PTPRD: variants seen among roughly 807,000 people sequenced by gnomAD.
PTPRD encodes the protein receptor-type tyrosine-protein phosphatase delta.
Under a neutral mutation model 214.5 loss-of-function variants are expected in PTPRD, and 34 were observed. The ratio of observed to expected loss-of-function variants is 0.16; its 90% CI spans 0.12 to 0.21. The LOEUF (loss-of-function observed/expected upper bound fraction) is 0.21. Ranked by LOEUF, PTPRD falls within the 10% of genes least tolerant of loss-of-function variation. The probability of loss-of-function intolerance (pLI) is 1.00; values close to 1 mark genes in which losing one functional copy is unlikely to be tolerated. For missense variants in PTPRD, 2,545 were observed against 2,398.7 expected (o/e 1.06, Z -1.27); for synonymous variants, 1,128 against 845.7 (o/e 1.33, Z -5.79).
At chr9:8,688,235 A>T (rs867799987) in intron 12 of PTPRD, among the ~76,000 whole-genome samples, 27 of 152,192 alleles carry the variant, frequency 1.8e-4, no homozygotes, top group South Asian at 8.3e-4. Context: ...CATAAGATCA[A>T]ATGATGAATA....
chr9:9,805,406 G>C (rs537971437), intron 5 of PTPRD, among the ~76,000 whole-genome samples: 11 of 152,112 alleles, frequency 7.2e-5, no homozygotes, highest in Non-Finnish European at 1.0e-4. Context: ...TTAGAAAAGA[G>C]GAAGAGTTCA....
chr9:9,147,822 C>T (rs2099871268), intron 10 of PTPRD, among the ~76,000 whole-genome samples: 1 of 152,146 alleles, frequency 6.6e-6, no homozygotes, highest in African/African-American at 2.4e-5. Flanking sequence ...TCTGGAATAT[C>T]AATCAGCATC....
At chr9:9,847,855 C>G (rs1407931970) in intron 5 of PTPRD, among the ~76,000 whole-genome samples, 1 of 152,060 alleles carries the variant, frequency 6.6e-6, no homozygotes. Flanking sequence ...TTCCACTGAT[C>G]CAGCTGAGAT....
intron 7 of PTPRD, among the ~76,000 whole-genome samples, chr9:9,591,686 A>C (rs1289924733): frequency 6.6e-6 from 1 of 152,084 alleles, no homozygotes; most frequent in Non-Finnish European, 1.5e-5. Flanking sequence ...TTTCAGTTTT[A>C]ATTGACACAT....
intron 10 of PTPRD, among the ~76,000 whole-genome samples, chr9:9,056,542 G>A (rs893722426): frequency 2.6e-5 from 4 of 152,150 alleles, no homozygotes; most frequent in Admixed American, 1.3e-4. Context: ...TCTTAATGTG[G>A]ATTAAATTGA....
chr9:8,451,680 T>C (rs775689667), intron 33 of PTPRD, among the ~76,000 whole-genome samples: 2 of 152,190 alleles, frequency 1.3e-5, no homozygotes, highest in South Asian at 4.1e-4. Flanking sequence ...GTGAAACATA[T>C]GGTTGGTCTT....
intron 5 of PTPRD, among the ~76,000 whole-genome samples, chr9:9,829,472 T>C (rs1417255619): frequency 2.0e-5 from 3 of 151,856 alleles, no homozygotes; most frequent in African/African-American, 7.2e-5. Flanking sequence ...CTGGCTTTAA[T>C]GTGGTCAAAT....
At position 8,348,695 on chromosome 9, in the gene PTPRD, C is replaced by T. The variant is rs183340954; in HGVS notation, c.4662-6717G>A. 1.1e-4 allele frequency among the ~76,000 whole-genome samples: 16 copies of T among 152,230 alleles called. No homozygotes were observed. The East Asian group carries it at 1.5e-3, about 15-fold the overall frequency. ...TTCATTACAAGATTCTTGGCTGTTC[C>T]TCAGCACTAGTTCAAATTAAACATG... is the stretch of plus-strand genomic sequence containing the variant. On this transcript the variant is annotated intron_variant, in intron 39 of 45. Transcript: ENST00000381196.
At position 10,449,197 on chromosome 9, in the gene PTPRD, G is replaced by A. The variant is rs530185524; in HGVS notation, c.-599-108180C>T. The stretch of plus-strand genomic sequence containing the variant: ...TGGGATTGCGGGCGGGTGCCGCCAC[G>A]CCTGACTGGTTTTTGTATTTTTTGG... On this transcript the variant is annotated intron_variant, in intron 2 of 45. Coordinates refer to ENST00000381196, the MANE Select transcript of PTPRD (RefSeq NM_002839.4). 7.3e-3 allele frequency among the ~76,000 whole-genome samples: 1,109 copies of A among 151,978 alleles called. 34 individuals carry two copies. Among genetic ancestry groups the A allele is most frequent in the African/African-American group, 0.025 (1,020 of 41,276 alleles).
intron 3 of PTPRD, among the ~76,000 whole-genome samples, chr9:10,097,343 CACA>C (rs1406078683): frequency 1.7e-5 from 2 of 120,698 alleles, no homozygotes; most frequent in African/African-American, 3.5e-5. Context: ...TGGCCATTTT[CACA>C]ACATTGATTC....
chr9:10,077,398 G>C (rs1281681028), intron 3 of PTPRD, among the ~76,000 whole-genome samples: 2 of 152,116 alleles, frequency 1.3e-5, no homozygotes, highest in East Asian at 3.9e-4. Flanking sequence ...GAAGCTTTTA[G>C]AAATGTACTT....
At chr9:9,715,641 T>C (rs2097807040) in intron 7 of PTPRD, among the ~76,000 whole-genome samples, 1 of 152,154 alleles carries the variant, frequency 6.6e-6, no homozygotes, top group South Asian at 2.1e-4. Flanking sequence ...TAGATAGAGA[T>C]ACTTCATCTG....
intron 11 of PTPRD, among the ~76,000 whole-genome samples, chr9:8,841,039 G>A (rs868071109): frequency 6.6e-6 from 1 of 152,142 alleles, no homozygotes; most frequent in Non-Finnish European, 1.5e-5. Context: ...TGTAAGCCAT[G>A]GCTACAGAGT....
At chr9:9,494,698 A>C (rs1006690843) in intron 8 of PTPRD, among the ~76,000 whole-genome samples, 2 of 152,244 alleles carry the variant, frequency 1.3e-5, no homozygotes, top group Non-Finnish European at 2.9e-5. Flanking sequence ...GCCTCATGTT[A>C]ATGGATTGGA....
chr9:9,348,539 T>C (rs2049824879), intron 9 of PTPRD, among the ~76,000 whole-genome samples: 1 of 151,932 alleles, frequency 6.6e-6, no homozygotes, highest in Non-Finnish European at 1.5e-5. Flanking sequence ...TGGGTGAAAA[T>C]CACCCCTTTA....
At chr9:8,840,210 C>G (rs539636840) in intron 11 of PTPRD, among the ~76,000 whole-genome samples, 3 of 152,250 alleles carry the variant, frequency 2.0e-5, no homozygotes, top group South Asian at 4.1e-4. Context: ...ATGTCCCCAC[C>G]CAAATCTCAT....
intron 7 of PTPRD, among the ~76,000 whole-genome samples, chr9:9,637,173 A>G (rs914672323): frequency 1.3e-5 from 2 of 152,276 alleles, no homozygotes; most frequent in Non-Finnish European, 2.9e-5. Flanking sequence ...ACTCCACCCC[A>G]GAACCCCCAA....
chr9:10,009,019 T>C (rs1364010203), intron 4 of PTPRD, among the ~76,000 whole-genome samples: 3 of 151,986 alleles, frequency 2.0e-5, no homozygotes, highest in Non-Finnish European at 2.9e-5. Flanking sequence ...AAATCAAACT[T>C]GTTCTCTAAT....
intron 45 of PTPRD, 122 bp from the exon 46 acceptor site, chr9:8,318,064 C>G: frequency 2.4e-6 from 2 of 840,232 alleles, no homozygotes; most frequent in East Asian, 2.8e-5. Flanking sequence ...TCACTACTTT[C>G]GTCAACTGGT....
Sources: gnomAD v4.1 joint callset for allele counts (sites outside exome capture counted in the v4.1 genomes callset) on GRCh38, gnomAD v4.1.1 for gene constraint, MANE v1.5 for transcripts, NCBI Gene and HGNC (gene_info 2026-07-23, HGNC 2026-07-21) for gene names.